KDF1: variants seen among roughly 807,000 people sequenced by gnomAD.
KDF1 encodes the protein keratinocyte differentiation factor 1.
A neutral mutation model predicts 31.6 loss-of-function variants in KDF1; 11 were observed. The ratio of observed to expected loss-of-function variants is 0.35; its 90% CI spans 0.22 to 0.58. The LOEUF is 0.58. KDF1 is among the 20% of genes least tolerant of loss of function. The pLI, the probability that KDF1 is intolerant of heterozygous loss-of-function variation, is 0.83. For synonymous variants in KDF1, 205 were observed against 214.4 expected (o/e 0.96, Z 0.38); for missense variants, 476 against 549.1 (o/e 0.87, Z 1.33).
At chr1:26,959,352 C>T (rs898074344) in intron 1 of KDF1, among the ~76,000 whole-genome samples, 1 of 152,166 alleles carries the variant, frequency 6.6e-6, no homozygotes, top group Non-Finnish European at 1.5e-5. Flanking sequence ...GCCCCGCCAC[C>T]ACCCCGCCCA....
intron 1 of KDF1, among the ~76,000 whole-genome samples, chr1:26,955,886 C>T (rs1486934408): frequency 7.2e-5 from 11 of 152,080 alleles, no homozygotes; most frequent in African/African-American, 1.7e-4. Flanking sequence ...ACTTGGGAGG[C>T]GGAGGTTGCA....
At position 26,960,160 on chromosome 1, in the gene KDF1, C is replaced by G. The variant is rs889665508; in HGVS notation, c.-33+190G>C. 2.6e-5 allele frequency among the ~76,000 whole-genome samples: 4 copies of G among 152,156 alleles called. No individual in the cohort carries two copies. Among genetic ancestry groups the G allele is most frequent in the African/African-American group, 9.7e-5 (4 of 41,446 alleles). On this transcript the variant is annotated intron_variant, in intron 1 of 3. Coordinates refer to ENST00000320567, the MANE Select transcript of KDF1 (RefSeq NM_152365.3). This position sits in a 1 kb window ranked among gnomAD's most constrained non-coding sequence, Gnocchi z 4.9. The stretch of plus-strand genomic sequence containing the variant: ...CCTAAGGGCGAACGCGGCCCCTCAC[C>G]CCATTCTGCGCGCCCAGCCCGGGCG...
At position 26,952,295 on chromosome 1, in the gene KDF1, G is replaced by T; in HGVS notation, c.86C>A (p.Thr29Lys). Reference protein sequence around the residue: ...WERPTELCLETYDKPPQPPPS... With the variant: ...WERPTELCLEKYDKPPQPPPS... ...TGGGGGCTGAGGTGGTTTATCATAT[G>T]TCTCCAGACATAGCTCTGTTGGCCG... is the stretch of plus-strand genomic sequence containing the variant. Residue 29 changes from threonine to lysine, a missense_variant, in exon 2 of 4, where the codon ACA becomes AAA. Physicochemically the swap from Thr to Lys is moderately conservative, Grantham distance 78. Around this residue, in one of 2 missense-constraint regions of KDF1, gnomAD observed 330 missense variants for 332.3 expected, o/e 0.99. Coordinates refer to ENST00000320567, the MANE Select transcript of KDF1 (RefSeq NM_152365.3). This position sits in a 1 kb window ranked among gnomAD's most constrained non-coding sequence, Gnocchi z 4.1. 6.4e-7 allele frequency: 1 copy of T among 1,551,576 alleles called. No homozygotes were observed. Among genetic ancestry groups the T allele is most frequent in the Non-Finnish European group, 8.7e-7 (1 of 1,148,384 alleles).
intron 1 of KDF1, among the ~76,000 whole-genome samples, chr1:26,958,423 G>T (rs1029944515): frequency 1.4e-4 from 21 of 152,088 alleles, no homozygotes; most frequent in African/African-American, 4.8e-4. Context: ...GTGAGCCACC[G>T]CGCCCGGCCT....
chr1:26,951,707 T>A lies in KDF1; in HGVS notation c.674A>T (p.Asp225Val). ...EYYSFHESDLDLPEMGSGSMS... is the reference protein window; with the variant it reads ...EYYSFHESDLVLPEMGSGSMS... ...GGAGCCACTGCCCATCTCCGGCAGG[T>A]CCAGGTCCGACTCATGGAAAGAATA... Residue 225 changes from aspartate (D) to valine (V), a missense_variant, in exon 2 of 4, where the codon GAC becomes GTC. This residue lies in a region of KDF1 where 330 missense variants were observed against 332.3 expected (regional missense o/e 0.99). Coordinates refer to ENST00000320567, the MANE Select transcript of KDF1 (RefSeq NM_152365.3). The surrounding 1 kb of genome is among the most constrained non-coding windows in gnomAD (Gnocchi z 5.4). 6.2e-7 allele frequency: 1 copy of A among 1,613,810 alleles called. No homozygotes were observed. The highest frequency in any genetic ancestry group is 8.5e-7 in the Non-Finnish European group (1 of 1,180,014).
Position 26,951,473 on chromosome 1 carries a change from C to T in KDF1, c.908G>A (p.Arg303His), listed in dbSNP as rs760390089. ...AGCACGGCTCTTTCGGGTACTAATGCGAATGATGCCGCGTACCAGGCGGCC... is the reference window on the plus strand; with the variant it reads ...AGCACGGCTCTTTCGGGTACTAATGTGAATGATGCCGCGTACCAGGCGGCC... ...AEGRLVRGII[R>H]ISTRKSRARP... Residue 303 changes from arginine to histidine, a missense_variant, in exon 2 of 4, where the codon CGC becomes CAC. Arg to His is a conservative substitution (Grantham distance 29). Coordinates refer to ENST00000320567, the MANE Select transcript of KDF1 (RefSeq NM_152365.3). The surrounding 1 kb of genome is among the most constrained non-coding windows in gnomAD (Gnocchi z 5.4). 4 of 1,613,844 alleles carry T rather than the reference C, an allele frequency of 2.5e-6. No individual in the cohort carries two copies. The highest frequency in any genetic ancestry group is 1.1e-5 in the South Asian group (1 of 91,076).
In KDF1 at chr1:26,950,824, T is replaced by G; in HGVS notation, c.1040-68A>C. 7.0e-7 allele frequency: 1 copy of G among 1,423,576 alleles called. No individual in the cohort carries two copies. Among genetic ancestry groups the G allele is most frequent in the Non-Finnish European group, 9.9e-7 (1 of 1,009,136 alleles). The allele number at this position is 1,423,576 out of a possible 1,614,324, so 88.2% of individuals were successfully genotyped here. ...CTTTCAACCCTATTTCCTACTTCTG[T>G]TCCCAGCCCGATGAGGGAGGAGCCA... is the stretch of plus-strand genomic sequence containing the variant. On this transcript the variant is annotated intron_variant, in intron 2 of 3. Coordinates refer to ENST00000320567, the MANE Select transcript of KDF1 (RefSeq NM_152365.3). This position sits in a 1 kb window ranked among gnomAD's most constrained non-coding sequence, Gnocchi z 4.0.
Position 26,950,709 on chromosome 1 carries a change from G to C in KDF1, c.1087C>G (p.Arg363Gly), listed in dbSNP as rs769873686. The change falls in exon 3 of 4, where the codon CGG becomes GGG. Residue 363 changes from arginine (R) to glycine (G), a missense_variant. Coordinates refer to ENST00000320567, the MANE Select transcript of KDF1 (RefSeq NM_152365.3). The surrounding 1 kb of genome is among the most constrained non-coding windows in gnomAD (Gnocchi z 4.0). ...SQETTADAIA[R>G]KLRPYGAPGY... ...GGAGCTCCATAAGGCCTCAGCTTCCGGGCGATGGCATCTGCAGTCGTCTCC... is the reference window on the plus strand; with the variant it reads ...GGAGCTCCATAAGGCCTCAGCTTCCCGGCGATGGCATCTGCAGTCGTCTCC... 1 of 1,613,466 alleles carries C rather than the reference G, an allele frequency of 6.2e-7. No individual in the cohort carries two copies. The highest frequency in any genetic ancestry group is 8.5e-7 in the Non-Finnish European group (1 of 1,179,570).
chr1:26,956,453 C>A (rs1201793229), intron 1 of KDF1, among the ~76,000 whole-genome samples: 1 of 152,100 alleles, frequency 6.6e-6, no homozygotes, highest in African/African-American at 2.4e-5. Context: ...GATAATATCA[C>A]CATAATGGGA....
intron 1 of KDF1, among the ~76,000 whole-genome samples, chr1:26,955,896 A>G (rs1175017519): frequency 6.6e-6 from 1 of 152,232 alleles, no homozygotes; most frequent in Non-Finnish European, 1.5e-5. Flanking sequence ...CGGAGGTTGC[A>G]GTGAGCCCAG....
intron 1 of KDF1, among the ~76,000 whole-genome samples, chr1:26,957,064 C>G (rs1345753006): frequency 1.3e-5 from 2 of 152,132 alleles, no homozygotes; most frequent in Non-Finnish European, 2.9e-5. Flanking sequence ...GTAGCTAGGA[C>G]TATAGGTGCA....
rs967156085 is a variant in KDF1, at chr1:26,960,040, C to T, written c.-33+310G>A. On this transcript the variant is annotated intron_variant, in intron 1 of 3. Transcript: ENST00000320567. The surrounding 1 kb of genome is among the most constrained non-coding windows in gnomAD (Gnocchi z 4.9). ...CCGCGGGCGGACCCAGCCTCCCTCC[C>T]GTCCCGACGCTGTTCCTCGGGGTGA... 1.3e-5 allele frequency among the ~76,000 whole-genome samples: 2 copies of T among 152,322 alleles called. No individual in the cohort carries two copies. The highest frequency in any genetic ancestry group is 2.4e-5 in the African/African-American group (1 of 41,584).
Position 26,950,581 on chromosome 1 carries a change from G to A in KDF1, c.1114+101C>T. ...GCTTAGGTCCCCGTCCCTTTTTGAT[G>A]TCATCCTCATCACCCCAAAAGAAAG... On this transcript the variant is annotated intron_variant, in intron 3 of 3. Coordinates refer to ENST00000320567, the MANE Select transcript of KDF1 (RefSeq NM_152365.3). This position sits in a 1 kb window ranked among gnomAD's most constrained non-coding sequence, Gnocchi z 4.0. 1 of 985,184 alleles carries A rather than the reference G, an allele frequency of 1.0e-6. No individual in the cohort carries two copies. The highest frequency in any genetic ancestry group is 1.6e-6 in the Non-Finnish European group (1 of 629,632). 61.0% of individuals were successfully genotyped at this position (985,184 alleles called of 1,614,324 possible).
chr1:26,951,453 G>A lies in KDF1; in HGVS notation c.928C>T (p.Arg310Cys), dbSNP rs774156596. ...CCCTCCGAGGTCTGTGGGCGAGCAC[G>A]GCTCTTTCGGGTACTAATGCGAATG... ...GIIRISTRKS[R>C]ARPQTSEGRS... Residue 310 changes from arginine to cysteine, a missense_variant, in exon 2 of 4, where the codon CGT becomes TGT. By Grantham distance (180) the Arg-to-Cys change is radical (BLOSUM62 -3). Around this residue, in one of 2 missense-constraint regions of KDF1, gnomAD observed 146 missense variants for 216.8 expected, o/e 0.67. Coordinates refer to ENST00000320567, the MANE Select transcript of KDF1 (RefSeq NM_152365.3). This position sits in a 1 kb window ranked among gnomAD's most constrained non-coding sequence, Gnocchi z 5.4. 38 of 1,613,740 alleles carry A rather than the reference G, an allele frequency of 2.4e-5. No individual in the cohort carries two copies. Among genetic ancestry groups the A allele is most frequent in the African/African-American group, 5.3e-5 (4 of 74,946 alleles).
rs762628998 is a variant in KDF1, at chr1:26,950,634, TAGGGTAG to T, written c.1114+41_1114+47del. On this transcript the variant is annotated intron_variant, in intron 3 of 3. Transcript: ENST00000320567. This position sits in a 1 kb window ranked among gnomAD's most constrained non-coding sequence, Gnocchi z 4.0. ...GGGAGAGCAGCAGGTGAGGGGCCCC[TAGGGTAG>T]TCCCCCACCCTCCACACCCCTCATT... 1 of 1,529,568 alleles carries T rather than the reference TAGGGTAG, an allele frequency of 6.5e-7. No individual in the cohort carries two copies. The highest frequency in any genetic ancestry group is 9.1e-7 in the Non-Finnish European group (1 of 1,104,512). 94.7% of individuals were successfully genotyped at this position (1,529,568 alleles called of 1,614,324 possible). A position where few individuals can be genotyped will look rare whatever the true frequency, so the allele number is the denominator to read the frequency against.
At position 26,950,210 on chromosome 1, in the gene KDF1, C is replaced by T. The variant is rs1489000865; in HGVS notation, c.1115-59G>A. 4 of 1,486,908 alleles carry T rather than the reference C, an allele frequency of 2.7e-6. No individual in the cohort carries two copies. The East Asian group carries it at 6.8e-5, about 25-fold the overall frequency. 92.1% of individuals were successfully genotyped at this position (1,486,908 alleles called of 1,614,324 possible). ...TCAGGGGAAGGAGCTCATCCAGATC[C>T]CATGACCAGGGAGAAGCCTGCTGAG... On this transcript the variant is annotated intron_variant, in intron 3 of 3. Transcript: ENST00000320567. This position sits in a 1 kb window ranked among gnomAD's most constrained non-coding sequence, Gnocchi z 4.0.
chr1:26,951,797 G>T lies in KDF1; in HGVS notation c.584C>A (p.Pro195His), dbSNP rs1439642365. ...GGGCAGGCTGTGTCGCATGGGTGGG[G>T]GATCGGCCAGTGGCTCCTTGCAGCA... ...DSCCKEPLAD[P>H]PPMRHSLPST... The change falls in exon 2 of 4, where the codon CCC (proline) becomes CAC (histidine). Residue 195 changes from proline (P) to histidine (H), a missense_variant. Physicochemically the swap from Pro to His is moderately conservative, Grantham distance 77. Coordinates refer to ENST00000320567, the MANE Select transcript of KDF1 (RefSeq NM_152365.3). The surrounding 1 kb of genome is among the most constrained non-coding windows in gnomAD (Gnocchi z 5.4). 4 of 1,614,098 alleles carry T rather than the reference G, an allele frequency of 2.5e-6. No homozygotes were observed. The highest frequency in any genetic ancestry group is 3.4e-6 in the Non-Finnish European group (4 of 1,180,026).
Position 26,952,169 on chromosome 1 carries a change from G to C in KDF1, c.212C>G (p.Ser71Cys). The change falls in exon 2 of 4, where the codon TCC (serine) becomes TGC (cysteine). Residue 71 changes from serine to cysteine, a missense_variant. By Grantham distance (112) the Ser-to-Cys change is moderately radical. Coordinates refer to ENST00000320567, the MANE Select transcript of KDF1 (RefSeq NM_152365.3). The surrounding 1 kb of genome is among the most constrained non-coding windows in gnomAD (Gnocchi z 4.1). ...ISGSAEPALE[S>C]PTCCLLWRPW... ...TCGCCAGAGCAGGCAGCAGGTGGGG[G>C]ACTCAAGGGCCGGCTCAGCAGAGCC... is the stretch of plus-strand genomic sequence containing the variant. 6.2e-7 allele frequency: 1 copy of C among 1,613,592 alleles called. No individual in the cohort carries two copies. The highest frequency in any genetic ancestry group is 8.5e-7 in the Non-Finnish European group (1 of 1,179,822).
At chr1:26,953,899 G>A (rs943727166) in intron 1 of KDF1, among the ~76,000 whole-genome samples, 6 of 150,736 alleles carry the variant, frequency 4.0e-5, no homozygotes, top group Middle Eastern at 3.2e-3. Context: ...AGGTTGCAGT[G>A]AGCTGAGATC....
Sources: allele counts gnomAD v4.1 joint callset (sites outside exome capture counted in the v4.1 genomes callset), GRCh38; gene constraint gnomAD v4.1.1; regional missense constraint gnomAD v4.1.1; non-coding constraint Gnocchi (gnomAD v3.1); transcripts MANE v1.5; gene names NCBI Gene and HGNC (gene_info 2026-07-23, HGNC 2026-07-21).